Variants in PCBP2 observed in about 807,000 individuals in gnomAD.
The protein encoded by PCBP2 is poly(rC) binding protein 2, also known as poly(rC)-binding protein 2.
PCBP2 carries 4 observed loss-of-function variants against 50.1 expected under a neutral mutation model. That is an observed-to-expected ratio of 0.08 (90% CI 0.04 to 0.18). PCBP2 has a LOEUF of 0.18. Among genes scored for constraint, PCBP2 ranks in the 10% least tolerant of loss-of-function variants. PCBP2 has a pLI of 1.00. For synonymous variants in PCBP2, 179 were observed against 168.0 expected, an observed-to-expected ratio of 1.07 and a Z score of -0.51; for missense variants, 161 against 474.3, an observed-to-expected ratio of 0.34 and a Z score of 6.14.
intron 14 of PCBP2, 93 bp from the exon 15 acceptor site, chr12:53,479,312 TG>T: frequency 9.2e-7 from 1 of 1,088,828 alleles, no homozygotes; most frequent in Non-Finnish European, 1.4e-6. Flanking sequence ...ACTCCAGCAC[TG>T]GTTATTTACT....
intron 9 of PCBP2, among the ~76,000 whole-genome samples, chr12:53,465,260 C>T (rs1941739025): frequency 6.6e-6 from 1 of 151,890 alleles, no homozygotes. Context: ...ACCCCATTGC[C>T]CTGAAGACCC....
rs563645966 is a variant in PCBP2, at chr12:53,453,926, G to A, written c.-75-800G>A. 3.9e-5 allele frequency among the ~76,000 whole-genome samples: 6 copies of A among 152,294 alleles called. No individual in the cohort carries two copies. In the South Asian group the frequency reaches 1.2e-3, roughly 32 times the overall value. ...CTTAAAAACAAAAAATTTTAGCAAT[G>A]CCAGTTTTATTTTGATTGTTTTCTT... On this transcript the variant is annotated intron_variant, in intron 1 of 14. Coordinates refer to ENST00000546463, the MANE Select transcript of PCBP2 (RefSeq NM_031989.5).
chr12:53,474,728 A>C, intron 14 of PCBP2: 1 of 329,778 alleles, frequency 3.0e-6, no homozygotes, highest in South Asian at 2.4e-5. Context: ...GCTTGTCACA[A>C]GTTGACACTA....
At chr12:53,465,297 T>TG (rs1227095226) in intron 9 of PCBP2, among the ~76,000 whole-genome samples, 19 of 151,226 alleles carry the variant, frequency 1.3e-4, no homozygotes, top group South Asian at 2.1e-4. Context: ...GGTTATGTTG[T>TG]GGGGGGGAGG....
At chr12:53,462,662 C>A in intron 8 of PCBP2, 95 bp downstream of exon 8, 1 of 950,380 alleles carries the variant, frequency 1.1e-6, no homozygotes, top group Non-Finnish European at 1.6e-6. Flanking sequence ...TGCATGCTTG[C>A]TGAAACCTAT....
At chr12:53,471,124 G>A (rs1942202964) in intron 13 of PCBP2, among the ~76,000 whole-genome samples, 3 of 152,060 alleles carry the variant, frequency 2.0e-5, no homozygotes, top group Non-Finnish European at 4.4e-5. Context: ...GATCAAAAGT[G>A]TATGAGTAAA....
chr12:53,460,717 C>T (rs1308210310), intron 6 of PCBP2: 2 of 276,882 alleles, frequency 7.2e-6, no homozygotes, highest in Non-Finnish European at 1.4e-5. Flanking sequence ...TTTTGCTTCG[C>T]CCAGAGAACT....
chr12:53,468,177 T>G (rs1473500948), intron 12 of PCBP2: 2 of 248,128 alleles, frequency 8.1e-6, no homozygotes, highest in Non-Finnish European at 1.5e-5. Flanking sequence ...GAAAACAAAA[T>G]GAAAGCCAGA....
chr12:53,476,926 T>G (rs576257466), intron 14 of PCBP2, among the ~76,000 whole-genome samples: 1 of 152,208 alleles, frequency 6.6e-6, no homozygotes, highest in Non-Finnish European at 1.5e-5. Context: ...ATCTAGTTCT[T>G]GATTGGAAGG....
intron 6 of PCBP2, 34 bp downstream of exon 6, chr12:53,459,437 A>C: frequency 6.3e-7 from 1 of 1,587,768 alleles, no homozygotes. Context: ...TAGAAATGTT[A>C]ACTATTTGTT....
At chr12:53,469,994 C>G (rs1000699840) in intron 13 of PCBP2, among the ~76,000 whole-genome samples, 2 of 152,054 alleles carry the variant, frequency 1.3e-5, no homozygotes, top group African/African-American at 4.8e-5. Context: ...GATCCCCCCC[C>G]TTCAGCCTCC....
chr12:53,468,740 T>C (rs1399596502), intron 12 of PCBP2, 37 bp from the exon 13 acceptor site: 7 of 1,517,368 alleles, frequency 4.6e-6, no homozygotes, highest in African/African-American at 1.4e-5. Context: ...TTTTGAATGC[T>C]GTGCATTGAA....
intron 5 of PCBP2, among the ~76,000 whole-genome samples, chr12:53,458,986 C>G (rs1392965790): frequency 1.3e-5 from 2 of 152,122 alleles, no homozygotes; most frequent in Non-Finnish European, 2.9e-5. Flanking sequence ...ATTGCCTGGC[C>G]AAGTGTAACT....
At chr12:53,455,575 G>A in intron 4 of PCBP2, 82 bp downstream of exon 4, 2 of 1,408,112 alleles carry the variant, frequency 1.4e-6, no homozygotes, top group Non-Finnish European at 2.0e-6. Flanking sequence ...TCAGAAATTA[G>A]GAAGGTCTCA....
chr12:53,457,830 G>T (rs1337510282), intron 5 of PCBP2, among the ~76,000 whole-genome samples: 1 of 152,088 alleles, frequency 6.6e-6, no homozygotes, highest in African/African-American at 2.4e-5. Flanking sequence ...TCTTCAGAAG[G>T]CTAAATTTAA....
chr12:53,468,683 T>A, intron 12 of PCBP2, 94 bp from the exon 13 acceptor site: 1 of 948,700 alleles, frequency 1.1e-6, no homozygotes, highest in Non-Finnish European at 1.7e-6. Context: ...TGATGCTGGG[T>A]TTCCAGTTTA....
chr12:53,471,832 T>C, intron 14 of PCBP2, 25 bp downstream of exon 14: 1 of 1,600,094 alleles, frequency 6.2e-7, no homozygotes, highest in Non-Finnish European at 8.5e-7. Flanking sequence ...CCTTTTGTCT[T>C]ATTTATGCCA....
intron 13 of PCBP2, among the ~76,000 whole-genome samples, chr12:53,469,924 T>A (rs143356080): frequency 0.011 from 1,749 of 152,090 alleles, 30 homozygotes; most frequent in African/African-American, 0.04. Context: ...GTATTTTTTT[T>A]AATTAGAGAT....
In PCBP2 at chr12:53,462,501, G is replaced by C. The variant is rs768864672; in HGVS notation, c.513G>C (p.Pro171=). ...CTCTGACTCTCTCCCAGTCCCCCCC[G>C]AAGGGCGTGACCATCCCGTACCGGC... ...QICVVMLESP[P]KGVTIPYRPK... is the part of the protein sequence containing the mutation. The change falls in exon 8 of 15, where the codon CCG becomes CCC. Residue 171 remains proline (P), a synonymous_variant. Transcript: ENST00000546463. 4.3e-6 allele frequency: 7 copies of C among 1,610,386 alleles called. No homozygotes were observed. Among genetic ancestry groups the C allele is most frequent in the Non-Finnish European group, 5.9e-6 (7 of 1,177,580 alleles).
Sources: gnomAD v4.1 joint callset for allele counts (sites outside exome capture counted in the v4.1 genomes callset) on GRCh38, gnomAD v4.1.1 for gene constraint, MANE v1.5 for transcripts, NCBI Gene and HGNC (gene_info 2026-07-23, HGNC 2026-07-21) for gene names.